Variants in PLCH1 observed in about 807,000 individuals in gnomAD.
PLCH1 encodes phospholipase C eta 1, also known as 1-phosphatidylinositol 4,5-bisphosphate phosphodiesterase eta-1.
Under a neutral mutation model 126.7 loss-of-function variants are expected in PLCH1, and 60 were observed. The ratio of observed to expected loss-of-function variants is 0.47; its 90% CI spans 0.38 to 0.59. PLCH1 has a LOEUF of 0.59. Ranked by LOEUF, PLCH1 falls within the 20% of genes least tolerant of loss-of-function variation. The pLI is 0.00. For synonymous variants in PLCH1, 719 were observed against 734.9 expected, an observed-to-expected ratio of 0.98 and a Z score of 0.35; for missense variants, 1,723 against 2,040.0, an observed-to-expected ratio of 0.84 and a Z score of 2.99.
intron 4 of PLCH1, 91 bp downstream of exon 4, chr3:155,593,850 T>G (rs937878016): frequency 1.4e-5 from 18 of 1,321,332 alleles, no homozygotes; most frequent in Non-Finnish European, 1.8e-5. Flanking sequence ...ATGGGAAAAA[T>G]TAAAACATAG....
chr3:155,491,372 T>A (rs1277079255), intron 18 of PLCH1, among the ~76,000 whole-genome samples: 1 of 152,136 alleles, frequency 6.6e-6, no homozygotes, highest in Non-Finnish European at 1.5e-5. Flanking sequence ...TAAGCCATCC[T>A]CCCACCTCAG....
intron 5 of PLCH1, among the ~76,000 whole-genome samples, chr3:155,583,967 T>TATGGAAG (rs1388262992): frequency 6.8e-6 from 1 of 147,990 alleles, no homozygotes; most frequent in African/African-American, 2.5e-5. Flanking sequence ...AAATAAAACA[T>TATGGAAG]ATGGAAGTGA....
At chr3:155,604,434 G>A (rs1039727292) in intron 2 of PLCH1, among the ~76,000 whole-genome samples, 1 of 152,028 alleles carries the variant, frequency 6.6e-6, no homozygotes, top group Non-Finnish European at 1.5e-5. Context: ...TATTTAAAAG[G>A]CTTTTAAAAA....
intron 2 of PLCH1, among the ~76,000 whole-genome samples, chr3:155,636,623 C>G (rs1309648897): frequency 6.6e-6 from 1 of 151,894 alleles, no homozygotes; most frequent in Non-Finnish European, 1.5e-5. Flanking sequence ...TGGCTCACAC[C>G]TGTAATCCCA....
intron 2 of PLCH1, among the ~76,000 whole-genome samples, chr3:155,608,303 C>T (rs1405053788): frequency 1.3e-5 from 2 of 152,128 alleles, no homozygotes; most frequent in Non-Finnish European, 1.5e-5. Context: ...TTCGACTGAG[C>T]ATGAACTTTC....
intron 21 of PLCH1, among the ~76,000 whole-genome samples, chr3:155,472,622 C>A (rs1713320466): frequency 6.6e-6 from 1 of 151,660 alleles, no homozygotes; most frequent in African/African-American, 2.4e-5. Context: ...AGAGACAAAA[C>A]CAAAAAAGAG....
intron 2 of PLCH1, among the ~76,000 whole-genome samples, chr3:155,700,456 C>T (rs1021023134): frequency 6.6e-6 from 1 of 152,122 alleles, no homozygotes; most frequent in African/African-American, 2.4e-5. Context: ...CTAATTCAGT[C>T]CAAAATGTTT....
intron 12 of PLCH1, among the ~76,000 whole-genome samples, chr3:155,512,187 G>T (rs1719668895): frequency 6.6e-6 from 1 of 152,034 alleles, no homozygotes; most frequent in Non-Finnish European, 1.5e-5. Context: ...CCCAGGTGAG[G>T]CAATGCCTCG....
At chr3:155,731,297 G>C (rs1397431130) in intron 1 of PLCH1, among the ~76,000 whole-genome samples, 1 of 152,192 alleles carries the variant, frequency 6.6e-6, no homozygotes, top group African/African-American at 2.4e-5. Flanking sequence ...CAGGCTCAAG[G>C]CCTATTCCAG....
intron 2 of PLCH1, among the ~76,000 whole-genome samples, chr3:155,657,272 T>C (rs550682697): frequency 6.8e-4 from 103 of 152,286 alleles, no homozygotes; most frequent in Non-Finnish European, 1.4e-3. Context: ...AGTAGGCCTA[T>C]GGTTGCCTCA....
At chr3:155,462,297 C>G (rs911281300) in intron 21 of PLCH1, among the ~76,000 whole-genome samples, 4 of 152,144 alleles carry the variant, frequency 2.6e-5, no homozygotes, top group African/African-American at 9.7e-5. Context: ...AAATGGGCAC[C>G]TGCAGCAACT....
intron 2 of PLCH1, among the ~76,000 whole-genome samples, chr3:155,700,884 T>C (rs1746222606): frequency 6.6e-6 from 1 of 152,162 alleles, no homozygotes; most frequent in African/African-American, 2.4e-5. Flanking sequence ...CAAACATTCT[T>C]TGCTCAAGAT....
At chr3:155,668,764 A>G (rs1055312391) in intron 2 of PLCH1, among the ~76,000 whole-genome samples, 1 of 152,022 alleles carries the variant, frequency 6.6e-6, no homozygotes, top group Admixed American at 6.6e-5. Flanking sequence ...ATGGTGGCAC[A>G]CGCCTGTAAT....
At chr3:155,514,316 AC>A (rs1012650736) in intron 12 of PLCH1, among the ~76,000 whole-genome samples, 1 of 152,142 alleles carries the variant, frequency 6.6e-6, no homozygotes, top group Non-Finnish European at 1.5e-5. Context: ...AAGGGCGGTC[AC>A]CCCCATATGA....
At chr3:155,578,223 T>G (rs1418531267) in intron 6 of PLCH1, among the ~76,000 whole-genome samples, 1 of 152,182 alleles carries the variant, frequency 6.6e-6, no homozygotes, top group Non-Finnish European at 1.5e-5. Flanking sequence ...TATTACCCAA[T>G]TCCCTTTTTC....
chr3:155,741,173 AC>A (rs543246286), intron 1 of PLCH1, among the ~76,000 whole-genome samples: 243 of 152,318 alleles, frequency 1.6e-3, no homozygotes, highest in African/African-American at 5.7e-3. Flanking sequence ...TTCTCCTTAA[AC>A]AAAAATGGTC....
intron 2 of PLCH1, among the ~76,000 whole-genome samples, chr3:155,621,263 T>C (rs926360179): frequency 6.6e-6 from 1 of 152,078 alleles, no homozygotes. Flanking sequence ...CGAAGGTCAC[T>C]AACATCAAAG....
chr3:155,697,366 T>C (rs907541948), intron 2 of PLCH1, among the ~76,000 whole-genome samples: 1 of 152,078 alleles, frequency 6.6e-6, no homozygotes, highest in South Asian at 2.1e-4. Flanking sequence ...ATTCCATCCA[T>C]CAAAATCACA....
At chr3:155,573,058 T>C (rs1729443634) in intron 6 of PLCH1, among the ~76,000 whole-genome samples, 1 of 152,224 alleles carries the variant, frequency 6.6e-6, no homozygotes, top group African/African-American at 2.4e-5. Flanking sequence ...TGTCATAGCA[T>C]CTTGCTCTTG....
Sources: gnomAD v4.1 joint callset for allele counts (sites outside exome capture counted in the v4.1 genomes callset) on GRCh38, gnomAD v4.1.1 for gene constraint, MANE v1.5 for transcripts, NCBI Gene and HGNC (gene_info 2026-07-23, HGNC 2026-07-21) for gene names.